Variants in PMFBP1 observed in about 807,000 individuals in gnomAD.
PMFBP1 encodes the protein polyamine-modulated factor 1-binding protein 1.
PMFBP1 carries 131 observed loss-of-function variants against 137.8 expected under a neutral mutation model. That is an observed-to-expected ratio of 0.95 (90% CI 0.82 to 1.10). The LOEUF (loss-of-function observed/expected upper bound fraction) is 1.10. Ranked by LOEUF, PMFBP1 falls within the 50% of genes least tolerant of loss-of-function variation. The probability of loss-of-function intolerance (pLI) is 0.00; values close to 1 mark genes in which losing one functional copy is unlikely to be tolerated. For synonymous variants in PMFBP1, 490 were observed against 450.4 expected, an observed-to-expected ratio of 1.09 and a Z score of -1.11; for missense variants, 1,199 against 1,175.4, an observed-to-expected ratio of 1.02 and a Z score of -0.29.
chr16:72,194,227 A>T, the PMFBP1 span, among the ~76,000 whole-genome samples: 1 of 152,142 alleles, frequency 6.6e-6, no homozygotes, highest in African/African-American at 2.4e-5. Context: ...CTTCCTAATT[A>T]TCTATGCTCC....
At chr16:72,120,158 G>A in intron 19 of PMFBP1, 69 bp from the exon 20 acceptor site, 1 of 1,608,486 alleles carries the variant, frequency 6.2e-7, no homozygotes, top group Non-Finnish European at 8.5e-7. Context: ...TGCTAGAAAG[G>A]ACAGATAAAG....
the PMFBP1 span, among the ~76,000 whole-genome samples, chr16:72,235,970 G>A: frequency 2.0e-5 from 3 of 152,020 alleles, no homozygotes; most frequent in African/African-American, 7.2e-5. Flanking sequence ...TTTCCAATCT[G>A]GAAGCTTTTA....
chr16:72,117,034 C>CA (rs35283042), downstream of PMFBP1, among the ~76,000 whole-genome samples: 68,528 of 117,042 alleles, frequency 0.59, 17,744 homozygotes, highest in South Asian at 0.63. Flanking sequence ...CCTATTTCTG[C>CA]AAAAAAAAAA....
intron 10 of PMFBP1, 43 bp from the exon 11 acceptor site, chr16:72,130,765 T>C (rs562845001): frequency 1.0e-5 from 16 of 1,548,362 alleles, no homozygotes; most frequent in Non-Finnish European, 1.4e-5. Context: ...GGAGGGTGTA[T>C]GAAGATCACA....
the PMFBP1 span, among the ~76,000 whole-genome samples, chr16:72,222,575 T>C: frequency 6.6e-6 from 1 of 152,126 alleles, no homozygotes; most frequent in African/African-American, 2.4e-5. Flanking sequence ...AAACAAAGAC[T>C]GTGCCCATCC....
upstream of PMFBP1, among the ~76,000 whole-genome samples, chr16:72,175,998 G>A (rs1050983136): frequency 4.6e-5 from 7 of 152,144 alleles, no homozygotes; most frequent in Admixed American, 3.9e-4. Flanking sequence ...ATCCAAACCC[G>A]GTTCTAAAGG....
the PMFBP1 span, among the ~76,000 whole-genome samples, chr16:72,196,365 A>G: frequency 6.6e-6 from 1 of 152,130 alleles, no homozygotes; most frequent in African/African-American, 2.4e-5. Context: ...TCTCTGTGGT[A>G]CAGAACTGGC....
intron 2 of PMFBP1, among the ~76,000 whole-genome samples, chr16:72,165,491 T>C (rs1345968847): frequency 6.6e-6 from 1 of 151,890 alleles, no homozygotes; most frequent in Non-Finnish European, 1.5e-5. Context: ...CTAGGCTCAC[T>C]GCAAGCTCCG....
chr16:72,121,775 C>T (rs554909184), intron 19 of PMFBP1, among the ~76,000 whole-genome samples: 1 of 152,272 alleles, frequency 6.6e-6, no homozygotes, highest in East Asian at 1.9e-4. Flanking sequence ...TACGTGTGCA[C>T]CACCATGCCT....
chr16:72,137,162 G>A (rs1484666558), intron 7 of PMFBP1, among the ~76,000 whole-genome samples: 6 of 152,234 alleles, frequency 3.9e-5, no homozygotes, highest in South Asian at 4.1e-4. Context: ...AGGCTCACAC[G>A]GAATACACAT....
the PMFBP1 span, among the ~76,000 whole-genome samples, chr16:72,245,223 A>G: frequency 6.6e-6 from 1 of 152,226 alleles, no homozygotes; most frequent in African/African-American, 2.4e-5. Flanking sequence ...TAATAATAAA[A>G]ACAATTATAA....
chr16:72,124,697 G>T (rs1050500335), intron 17 of PMFBP1, 70 bp downstream of exon 17: 3 of 1,543,866 alleles, frequency 1.9e-6, no homozygotes, highest in African/African-American at 1.4e-5. Flanking sequence ...GGGCTGTCTG[G>T]CATTTGGGTG....
At chr16:72,185,897 T>G in the PMFBP1 span, among the ~76,000 whole-genome samples, 80 of 152,286 alleles carry the variant, frequency 5.3e-4, 1 homozygote, top group Non-Finnish European at 9.7e-4. Context: ...AAAGAGAGTT[T>G]TGGGTGACAG....
intron 14 of PMFBP1, among the ~76,000 whole-genome samples, chr16:72,127,316 G>T (rs573787217): frequency 5.1e-4 from 77 of 152,328 alleles, no homozygotes; most frequent in African/African-American, 1.8e-3. Flanking sequence ...TGCCCTGGTG[G>T]TGAAACTATT....
At chr16:72,173,984 G>T, upstream of PMFBP1, 1 of 152,316 alleles carries the variant, frequency 6.6e-6, no homozygotes, top group East Asian at 1.9e-4. Flanking sequence ...CTTGTCTACT[G>T]CCATCTGCCC....
intron 3 of PMFBP1, among the ~76,000 whole-genome samples, chr16:72,161,204 T>A (rs2043057431): frequency 6.6e-6 from 1 of 151,804 alleles, no homozygotes; most frequent in Non-Finnish European, 1.5e-5. Flanking sequence ...TTCAAGCGAT[T>A]TTCTTGCCTC....
At chr16:72,217,852 A>C in the PMFBP1 span, among the ~76,000 whole-genome samples, 1 of 152,144 alleles carries the variant, frequency 6.6e-6, no homozygotes, top group African/African-American at 2.4e-5. Flanking sequence ...AACAAAACAA[A>C]ACAAAACGTC....
the PMFBP1 span, among the ~76,000 whole-genome samples, chr16:72,238,143 A>G: frequency 2.0e-5 from 3 of 152,198 alleles, no homozygotes; most frequent in African/African-American, 7.2e-5. Context: ...AATGATTTAT[A>G]TATATTCCTT....
chr16:72,202,129 T>A, the PMFBP1 span, among the ~76,000 whole-genome samples: 1 of 152,222 alleles, frequency 6.6e-6, no homozygotes, highest in Non-Finnish European at 1.5e-5. Flanking sequence ...AACCCTTGAA[T>A]GAATGAATCA....
Sources: gnomAD v4.1 joint callset for allele counts (sites outside exome capture counted in the v4.1 genomes callset) on GRCh38, gnomAD v4.1.1 for gene constraint, MANE v1.5 for transcripts, NCBI Gene and HGNC (gene_info 2026-07-23, HGNC 2026-07-21) for gene names.